OTUD3: variants seen among roughly 807,000 people sequenced by gnomAD.
OTUD3 encodes OTU domain-containing protein 3.
A neutral mutation model predicts 46.2 loss-of-function variants in OTUD3; 24 were observed. The observed-to-expected ratio is 0.52, with a 90% confidence interval of 0.38 to 0.73. The LOEUF (loss-of-function observed/expected upper bound fraction) is 0.73. OTUD3 is among the 30% of genes least tolerant of loss of function. OTUD3 has a pLI of 0.00. For missense variants in OTUD3, 455 were observed against 523.3 expected, an observed-to-expected ratio of 0.87 and a Z score of 1.27; for synonymous variants, 189 against 195.4, an observed-to-expected ratio of 0.97 and a Z score of 0.27.
chr1:19,897,138 T>C (rs566714973), intron 3 of OTUD3, among the ~76,000 whole-genome samples: 13 of 152,296 alleles, frequency 8.5e-5, no homozygotes, highest in African/African-American at 2.9e-4. Context: ...ATTTTTTTTT[T>C]CCTCAAAGAG....
chr1:19,898,034 C>T (rs1452187400), intron 4 of OTUD3, among the ~76,000 whole-genome samples: 2 of 151,546 alleles, frequency 1.3e-5, no homozygotes, highest in African/African-American at 2.4e-5. Context: ...ACCCAACCTC[C>T]GCCTCCCGGG....
intron 4 of OTUD3, among the ~76,000 whole-genome samples, chr1:19,900,930 T>G (rs2045580385): frequency 1.3e-5 from 2 of 148,800 alleles, no homozygotes; most frequent in South Asian, 2.1e-4. Flanking sequence ...TTTTTTTTTT[T>G]TTTTTGAGAC....
intron 1 of OTUD3, among the ~76,000 whole-genome samples, chr1:19,888,983 A>G (rs1003655293): frequency 6.6e-6 from 1 of 152,264 alleles, no homozygotes; most frequent in African/African-American, 2.4e-5. Flanking sequence ...TTGGTACATT[A>G]AATGTAAAAT....
At chr1:19,893,668 T>C (rs2045479644) in intron 2 of OTUD3, among the ~76,000 whole-genome samples, 1 of 152,220 alleles carries the variant, frequency 6.6e-6, no homozygotes, top group South Asian at 2.1e-4. Context: ...ACAGACACTC[T>C]CATCACCTTT....
At position 19,912,573 on chromosome 1, in the gene OTUD3, T is replaced by G. The variant is rs1571193168; in HGVS notation, c.*4827T>G. ...GTATCCGTGGAGGAGGGGCCTTCTC[T>G]CTTTCTAATTGCACTATACTTGTTC... On this transcript the variant is annotated 3_prime_UTR_variant, in exon 8 of 8. Coordinates refer to ENST00000375120, the MANE Select transcript of OTUD3 (RefSeq NM_015207.2). The G allele has an allele frequency of 6.6e-6, 1 of 152,622 alleles. No homozygotes were observed. The highest frequency in any genetic ancestry group is 2.4e-5 in the African/African-American group (1 of 41,570). The allele number at this position is 152,622 out of a possible 1,614,324, so 9.5% of individuals were successfully genotyped here.
intron 1 of OTUD3, among the ~76,000 whole-genome samples, chr1:19,883,134 T>C (rs2045297590): frequency 1.3e-5 from 2 of 152,240 alleles, no homozygotes; most frequent in South Asian, 4.1e-4. Context: ...TGAAGGAGTT[T>C]GAGTAAGCCC....
rs549111476 is a variant in OTUD3, at chr1:19,882,783, C to T, written c.221+49C>T. ...AGGCGGCGCCGGGGGACGCGCCGGG[C>T]TCGGCCTGGCGACCGTTGCCCGCTC... On this transcript the variant is annotated intron_variant, in intron 1 of 7. Coordinates refer to ENST00000375120, the MANE Select transcript of OTUD3 (RefSeq NM_015207.2). 151 of 1,260,316 alleles carry T rather than the reference C, an allele frequency of 1.2e-4. 3 individuals carry two copies. In the South Asian group the frequency reaches 3.8e-3, roughly 31 times the overall value. 78.1% of individuals were successfully genotyped at this position (1,260,316 alleles called of 1,614,324 possible).
intron 1 of OTUD3, among the ~76,000 whole-genome samples, chr1:19,885,945 C>G (rs929969522): frequency 6.6e-6 from 1 of 152,080 alleles, no homozygotes; most frequent in South Asian, 2.1e-4. Flanking sequence ...ATTCTGGAAC[C>G]TGAGGGGGTT....
chr1:19,897,438 G>T, intron 3 of OTUD3, 102 bp from the exon 4 acceptor site: 1 of 1,224,958 alleles, frequency 8.2e-7, no homozygotes, highest in South Asian at 1.4e-5. Flanking sequence ...GTGTCTCATA[G>T]ACCTGCTGAC....
chr1:19,900,915 T>TA (rs2045579128), intron 4 of OTUD3, among the ~76,000 whole-genome samples: 1 of 147,858 alleles, frequency 6.8e-6, no homozygotes, highest in African/African-American at 2.6e-5. Context: ...TTTTTTTTTT[T>TA]GTTTTTTTTT....
rs1355493713 is a variant in OTUD3, at chr1:19,882,408, C to A, written c.-106C>A. The A allele has an allele frequency of 1.5e-6, 2 of 1,299,004 alleles. No individual in the cohort carries two copies. The highest frequency in any genetic ancestry group is 4.2e-5 in the Admixed American group (1 of 23,838). The allele number at this position is 1,299,004 out of a possible 1,614,324, so 80.5% of individuals were successfully genotyped here. A position where few individuals can be genotyped will look rare whatever the true frequency, so the allele number is the denominator to read the frequency against. On this transcript the variant is annotated 5_prime_UTR_variant, in exon 1 of 8. Coordinates refer to ENST00000375120, the MANE Select transcript of OTUD3 (RefSeq NM_015207.2). ...GCAGGCGCGGTTGCTGCGTAGTCGT[C>A]GCCGGGCTCCGTTGCCCGCGCTGTT...
At chr1:19,883,728 G>T (rs1394311818) in intron 1 of OTUD3, among the ~76,000 whole-genome samples, 1 of 152,148 alleles carries the variant, frequency 6.6e-6, no homozygotes, top group Non-Finnish European at 1.5e-5. Flanking sequence ...CGATCCTCCT[G>T]CCTCGGCCTC....
chr1:19,898,373 A>C (rs1235456550), intron 4 of OTUD3, among the ~76,000 whole-genome samples: 2 of 152,150 alleles, frequency 1.3e-5, no homozygotes, highest in Admixed American at 1.3e-4. Context: ...ATTTCCATTA[A>C]TTTAATGCAT....
intron 1 of OTUD3, among the ~76,000 whole-genome samples, chr1:19,883,049 C>T (rs1184621588): frequency 6.6e-6 from 1 of 152,224 alleles, no homozygotes; most frequent in African/African-American, 2.4e-5. Context: ...TCAAAGGTGA[C>T]ATTTAAGCTG....
In OTUD3 at chr1:19,912,502, T is replaced by C. The variant is rs1337186795; in HGVS notation, c.*4756T>C. ...CACACCCGGGGGCTCCCCTTTCCCA[T>C]GTAGAAGTGTTGGCATGCGTCAGTC... On this transcript the variant is annotated 3_prime_UTR_variant, in exon 8 of 8. Transcript: ENST00000375120. The C allele has an allele frequency of 6.5e-6, 1 of 153,048 alleles. No individual in the cohort carries two copies. The highest frequency in any genetic ancestry group is 1.5e-5 in the Non-Finnish European group (1 of 68,120). 9.5% of individuals were successfully genotyped at this position (153,048 alleles called of 1,614,324 possible). A position where few individuals can be genotyped will look rare whatever the true frequency, so the allele number is the denominator to read the frequency against.
chr1:19,900,916 G>GTTT (rs990933093), intron 4 of OTUD3, among the ~76,000 whole-genome samples: 87 of 115,716 alleles, frequency 7.5e-4, no homozygotes, highest in African/African-American at 1.5e-3. Context: ...TTTTTTTTTT[G>GTTT]TTTTTTTTTT....
rs1415114932 is a variant in OTUD3 at position 19,894,372 on chromosome 1, C to G, written c.375C>G (p.Ala125=). ...EDDIPFEKHV[A]SLAKPGTFAG... ...TTCTTTCCTATTTCCATGCAGTGGC[C>G]AGTTTGGCAAAGCCTGGTACTTTTG... The change falls in exon 3 of 8, where the codon GCC becomes GCG. Residue 125 remains alanine (A), a synonymous_variant. Transcript: ENST00000375120. The G allele has an allele frequency of 6.3e-7, 1 of 1,590,468 alleles. No homozygotes were observed. Among genetic ancestry groups the G allele is most frequent in the Non-Finnish European group, 8.6e-7 (1 of 1,165,688 alleles).
Position 19,911,075 on chromosome 1 carries a change from A to G in OTUD3, c.*3329A>G, listed in dbSNP as rs1194381170. The G allele has an allele frequency of 6.6e-6, 1 of 152,316 alleles. No individual in the cohort carries two copies. Among genetic ancestry groups the G allele is most frequent in the African/African-American group, 2.4e-5 (1 of 41,442 alleles). 9.4% of individuals were successfully genotyped at this position (152,316 alleles called of 1,614,324 possible). ...TTGGATTCCTAGTCAGAGGTGACTA[A>G]AAGTTACCCTGACCAAAAGGATCTC... is the stretch of plus-strand genomic sequence containing the variant. On this transcript the variant is annotated 3_prime_UTR_variant, in exon 8 of 8. Transcript: ENST00000375120.
chr1:19,894,500 A>G lies in OTUD3; in HGVS notation c.483+20A>G, dbSNP rs774317857. 31 of 1,372,084 alleles carry G rather than the reference A, an allele frequency of 2.3e-5. No homozygotes were observed. In the South Asian group the frequency reaches 3.3e-4, roughly 15 times the overall value. The allele number at this position is 1,372,084 out of a possible 1,614,324, so 85.0% of individuals were successfully genotyped here. On this transcript the variant is annotated intron_variant, in intron 3 of 7. Coordinates refer to ENST00000375120, the MANE Select transcript of OTUD3 (RefSeq NM_015207.2). ...TGGCAGGTAGGTCACCTATTTAAACATTTATCTTAAGCTCTTATTTCTAAG... is the reference window on the plus strand; with the variant it reads ...TGGCAGGTAGGTCACCTATTTAAACGTTTATCTTAAGCTCTTATTTCTAAG...
Sources: gnomAD v4.1 joint callset for allele counts (sites outside exome capture counted in the v4.1 genomes callset) on GRCh38, gnomAD v4.1.1 for gene constraint, MANE v1.5 for transcripts, NCBI Gene and HGNC (gene_info 2026-07-23, HGNC 2026-07-21) for gene names.